The following CCDC7 variants were observed in gnomAD, a reference collection of about 807,000 sequenced individuals.
CCDC7 encodes coiled-coil domain-containing protein 7.
In CCDC7, 183 loss-of-function variants were observed where a neutral mutation model predicts 196.9. The observed-to-expected ratio is 0.93, with a 90% CI of 0.82 to 1.05. The LOEUF is 1.05. Ranked by LOEUF, CCDC7 falls within the 50% of genes least tolerant of loss-of-function variation. The pLI, the probability that CCDC7 is intolerant of heterozygous loss-of-function variation, is 0.00. For synonymous variants in CCDC7, 525 were observed against 484.6 expected, an observed-to-expected ratio of 1.08 and a Z score of -1.10; for missense variants, 1,540 against 1,482.2, an observed-to-expected ratio of 1.04 and a Z score of -0.64.
chr10:32,605,858 A>G (rs2061509915), intron 18 of CCDC7, among the ~76,000 whole-genome samples: 1 of 152,142 alleles, frequency 6.6e-6, no homozygotes, highest in South Asian at 2.1e-4. Context: ...AAAAGAAAAG[A>G]AAAGCCTGTT....
chr10:32,743,889 C>T (rs1402650114), intron 28 of CCDC7, among the ~76,000 whole-genome samples: 2 of 147,252 alleles, frequency 1.4e-5, no homozygotes, highest in East Asian at 2.0e-4. Context: ...ATCGCAAGGA[C>T]AAAAAACCAA....
intron 20 of CCDC7, among the ~76,000 whole-genome samples, chr10:32,646,884 C>G (rs1223455878): frequency 5.3e-5 from 8 of 152,174 alleles, no homozygotes; most frequent in African/African-American, 1.2e-4. Context: ...CCCTCCAGCT[C>G]CATCCATGTT....
At chr10:32,462,656 T>A (rs199581902) in intron 3 of CCDC7, 27 bp from the exon 5 acceptor site, 31 of 1,392,854 alleles carry the variant, frequency 2.2e-5, no homozygotes, top group Non-Finnish European at 2.8e-5. Flanking sequence ...TAATTTTAAA[T>A]GTGTTAATTA....
chr10:32,512,572 C>G (rs2046385658), intron 9 of CCDC7: 1 of 152,224 alleles, frequency 6.6e-6, no homozygotes, highest in East Asian at 1.9e-4. Flanking sequence ...AAAAAAGTAA[C>G]ATTGATTACA....
intron 29 of CCDC7, among the ~76,000 whole-genome samples, chr10:32,787,602 A>G (rs1403703104): frequency 6.6e-6 from 1 of 152,172 alleles, no homozygotes; most frequent in African/African-American, 2.4e-5. Flanking sequence ...TTGGACCCCA[A>G]CATTCAGCCC....
intron 29 of CCDC7, among the ~76,000 whole-genome samples, chr10:32,780,628 TG>T (rs1424435599): frequency 6.6e-6 from 1 of 152,080 alleles, no homozygotes; most frequent in Non-Finnish European, 1.5e-5. Flanking sequence ...AAAATATCTA[TG>T]GTGCATGCAT....
At chr10:32,772,622 T>C (rs991279616) in intron 28 of CCDC7, among the ~76,000 whole-genome samples, 4 of 152,258 alleles carry the variant, frequency 2.6e-5, no homozygotes, top group African/African-American at 9.6e-5. Flanking sequence ...CCTGAACTTT[T>C]TGACTGTCGT....
rs116391147 is a variant in CCDC7 at position 32,558,524 on chromosome 10, G to T, written c.1135-7034G>T. Among the ~76,000 whole-genome samples, 1,276 of 152,166 alleles carry T rather than the reference G, an allele frequency of 8.4e-3. 28 individuals are homozygous for T. Among genetic ancestry groups the T allele is most frequent in the African/African-American group, 0.028 (1,176 of 41,490 alleles). On this transcript the variant is annotated intron_variant, in intron 13 of 41. Transcript: ENST00000639629. ...CCTTTCCAGTGGCTTGAATTGTCCTGAACTCTGTCCTCTGGTGGTTTTTAA... is the reference window on the plus strand; with the variant it reads ...CCTTTCCAGTGGCTTGAATTGTCCTTAACTCTGTCCTCTGGTGGTTTTTAA...
At chr10:32,478,236 T>G (rs894865296) in intron 8 of CCDC7, among the ~76,000 whole-genome samples, 4 of 152,210 alleles carry the variant, frequency 2.6e-5, no homozygotes, top group African/African-American at 9.6e-5. Context: ...TGGTGATTCT[T>G]TGGGATATTC....
At chr10:32,490,041 G>T (rs187501085) in intron 8 of CCDC7, among the ~76,000 whole-genome samples, 1 of 152,216 alleles carries the variant, frequency 6.6e-6, no homozygotes, top group East Asian at 1.9e-4. Flanking sequence ...TGTAGAGCAG[G>T]CTACTAGGAA....
exon 27 of CCDC7, chr10:32,728,945 A>G: frequency 6.2e-7 from 1 of 1,609,970 alleles, no homozygotes; most frequent in Non-Finnish European, 8.5e-7. Flanking sequence ...CAAAGTCAAA[A>G]CTCCAAATGC....
intron 31 of CCDC7, among the ~76,000 whole-genome samples, chr10:32,824,298 A>C (rs1313000268): frequency 2.6e-5 from 4 of 152,142 alleles, no homozygotes; most frequent in Admixed American, 2.0e-4. Context: ...TCTTGGTCAA[A>C]TCACTAAATA....
At chr10:32,470,058 C>T (rs1034404897) in intron 5 of CCDC7, among the ~76,000 whole-genome samples, 1 of 152,120 alleles carries the variant, frequency 6.6e-6, no homozygotes, top group Non-Finnish European at 1.5e-5. Flanking sequence ...TCTCTTCCAC[C>T]TATTCTGTGT....
chr10:32,675,645 C>T (rs1022012982), intron 21 of CCDC7: 2 of 152,240 alleles, frequency 1.3e-5, no homozygotes, highest in African/African-American at 4.8e-5. Context: ...TGTTGAGCAT[C>T]CTTTCATTTC....
intron 25 of CCDC7, among the ~76,000 whole-genome samples, chr10:32,721,991 A>T (rs2082478978): frequency 1.3e-5 from 2 of 152,252 alleles, no homozygotes; most frequent in South Asian, 2.1e-4. Flanking sequence ...ACCAATAATC[A>T]ATCGAATCTC....
chr10:32,764,609 C>T lies in CCDC7; in HGVS notation c.2906-14368C>T, dbSNP rs1322544070. On this transcript the variant is annotated intron_variant, in intron 28 of 41. Transcript: ENST00000639629. ...GTGGTTTACTGAAAAGGAAGGGATT[C>T]GAAGGCCTAGGAAAATTGGAGTGTT... 2.6e-5 allele frequency among the ~76,000 whole-genome samples: 4 copies of T among 151,872 alleles called. No homozygotes were observed. In the South Asian group the frequency reaches 6.2e-4, roughly 24 times the overall value.
intron 28 of CCDC7, among the ~76,000 whole-genome samples, chr10:32,735,223 G>A (rs1264179983): frequency 1.3e-5 from 2 of 152,136 alleles, no homozygotes; most frequent in Non-Finnish European, 2.9e-5. Context: ...AAATACCAAG[G>A]AGCACGATTG....
At chr10:32,573,469 G>A (rs1355209611) in intron 16 of CCDC7, among the ~76,000 whole-genome samples, 2 of 152,164 alleles carry the variant, frequency 1.3e-5, no homozygotes, top group East Asian at 1.9e-4. Flanking sequence ...GACATGGTAA[G>A]GCAGTTTCAG....
intron 20 of CCDC7, among the ~76,000 whole-genome samples, chr10:32,646,079 T>A (rs1371403173): frequency 6.7e-6 from 1 of 149,344 alleles, no homozygotes; most frequent in Non-Finnish European, 1.5e-5. Flanking sequence ...ATTTTCGGAT[T>A]GTTCTTTTTT....
Sources: allele counts gnomAD v4.1 joint callset (sites outside exome capture counted in the v4.1 genomes callset), GRCh38; gene constraint gnomAD v4.1.1; transcripts MANE v1.5; gene names NCBI Gene and HGNC (gene_info 2026-07-23, HGNC 2026-07-21).